Variants in SLC35D4 observed in about 807,000 individuals in gnomAD.
The protein encoded by SLC35D4 is solute carrier family 35 member D4.
chr18:23,329,329 G>A, the SLC35D4 span, among the ~76,000 whole-genome samples: 1 of 152,126 alleles, frequency 6.6e-6, no homozygotes, highest in African/African-American at 2.4e-5. Flanking sequence ...CTAATATCCA[G>A]AGTCTACAAA....
chr18:23,357,566 TG>T, the SLC35D4 span, among the ~76,000 whole-genome samples: 3 of 152,222 alleles, frequency 2.0e-5, no homozygotes, highest in Non-Finnish European at 2.9e-5. Context: ...CTCTCAGTTC[TG>T]GGGGCCTGGG....
At chr18:23,377,592 A>G in the SLC35D4 span, 1 of 1,532,752 alleles carries the variant, frequency 6.5e-7, no homozygotes, top group Non-Finnish European at 8.8e-7. Context: ...ATTCAAGTTA[A>G]AAATAGGTTA....
At chr18:23,288,727 A>G in the SLC35D4 span, among the ~76,000 whole-genome samples, 1 of 152,176 alleles carries the variant, frequency 6.6e-6, no homozygotes, top group African/African-American at 2.4e-5. Context: ...ATTCCTCGGT[A>G]TGGCCTTCCC....
chr18:23,419,718 T>TA, the SLC35D4 span, among the ~76,000 whole-genome samples: 3 of 152,268 alleles, frequency 2.0e-5, no homozygotes, highest in East Asian at 5.8e-4. Context: ...ACCATCGAGA[T>TA]AACTGGCAAA....
At chr18:23,430,085 C>T in the SLC35D4 span, among the ~76,000 whole-genome samples, 1 of 152,076 alleles carries the variant, frequency 6.6e-6, no homozygotes, top group African/African-American at 2.4e-5. Context: ...TTTGTCTAAG[C>T]CAGTGTCCAG....
the SLC35D4 span, among the ~76,000 whole-genome samples, chr18:23,434,753 C>G: frequency 6.6e-6 from 1 of 151,996 alleles, no homozygotes; most frequent in African/African-American, 2.4e-5. Context: ...ATGATTGCAC[C>G]ACTGCACTCC....
At chr18:23,271,983 C>A in the SLC35D4 span, among the ~76,000 whole-genome samples, 5,457 of 152,196 alleles carry the variant, frequency 0.036, 331 homozygotes, top group African/African-American at 0.12. Flanking sequence ...GATCCTTTGC[C>A]GTATCCCCTA....
At chr18:23,388,179 A>G in the SLC35D4 span, among the ~76,000 whole-genome samples, 1 of 152,162 alleles carries the variant, frequency 6.6e-6, no homozygotes, top group Non-Finnish European at 1.5e-5. Flanking sequence ...AATTTTCTCA[A>G]TTTTAGGACC....
chr18:23,426,880 T>C, the SLC35D4 span, among the ~76,000 whole-genome samples: 1 of 152,242 alleles, frequency 6.6e-6, no homozygotes, highest in Non-Finnish European at 1.5e-5. Flanking sequence ...TACAACCATT[T>C]GATCTTTGAC....
chr18:23,388,595 G>A, the SLC35D4 span, among the ~76,000 whole-genome samples: 4 of 144,658 alleles, frequency 2.8e-5, no homozygotes, highest in Non-Finnish European at 6.0e-5. Flanking sequence ...AGTTCAATAT[G>A]ACTGGTGTGT....
the SLC35D4 span, among the ~76,000 whole-genome samples, chr18:23,383,932 C>A: frequency 7.0e-6 from 1 of 142,088 alleles, no homozygotes; most frequent in Non-Finnish European, 1.5e-5. Context: ...TCCTTTCCTG[C>A]ACACCTGTAA....
the SLC35D4 span, among the ~76,000 whole-genome samples, chr18:23,405,491 A>AT: frequency 6.6e-6 from 1 of 152,182 alleles, no homozygotes; most frequent in Non-Finnish European, 1.5e-5. Context: ...CACCTGGCCA[A>AT]TTTCTGTTGT....
the SLC35D4 span, among the ~76,000 whole-genome samples, chr18:23,287,757 CTG>C: frequency 6.6e-6 from 1 of 152,256 alleles, no homozygotes; most frequent in Non-Finnish European, 1.5e-5. Flanking sequence ...CTAGCTCTCC[CTG>C]ACTCATCGCA....
the SLC35D4 span, chr18:23,257,533 T>A: frequency 1.4e-6 from 1 of 728,386 alleles, no homozygotes; most frequent in South Asian, 2.3e-5. Context: ...GAGTCTTGGG[T>A]GTGTAGCCAA....
the SLC35D4 span, among the ~76,000 whole-genome samples, chr18:23,347,015 C>T: frequency 6.6e-6 from 1 of 152,056 alleles, no homozygotes; most frequent in Admixed American, 6.6e-5. Flanking sequence ...GCTGGGTAAC[C>T]CACCTCATAG....
the SLC35D4 span, among the ~76,000 whole-genome samples, chr18:23,331,998 A>G: frequency 6.9e-6 from 1 of 144,076 alleles, no homozygotes; most frequent in Non-Finnish European, 1.5e-5. Context: ...CAATCCTCCC[A>G]CTTCAGCCTC....
At chr18:23,384,011 G>GC in the SLC35D4 span, among the ~76,000 whole-genome samples, 4 of 136,434 alleles carry the variant, frequency 2.9e-5, no homozygotes, top group African/African-American at 8.0e-5. Flanking sequence ...TGGGGGGGGG[G>GC]GGTGTGATGT....
At chr18:23,290,494 A>T in the SLC35D4 span, among the ~76,000 whole-genome samples, 1 of 152,164 alleles carries the variant, frequency 6.6e-6, no homozygotes, top group Non-Finnish European at 1.5e-5. Context: ...CCCAGACTAT[A>T]TGCTAAGTGG....
the SLC35D4 span, among the ~76,000 whole-genome samples, chr18:23,329,548 G>A: frequency 1.4e-4 from 21 of 152,018 alleles, no homozygotes; most frequent in African/African-American, 3.9e-4. Flanking sequence ...TTAAAAAGTC[G>A]GGAAACAACA....
Sources: allele counts gnomAD v4.1 joint callset (sites outside exome capture counted in the v4.1 genomes callset), GRCh38; gene constraint gnomAD v4.1.1; transcripts MANE v1.5; gene names NCBI Gene and HGNC (gene_info 2026-07-23, HGNC 2026-07-21).